PPP2R5E: variants seen among roughly 807,000 people sequenced by gnomAD.
The protein encoded by PPP2R5E is serine/threonine-protein phosphatase 2A 56 kDa regulatory subunit epsilon isoform.
A neutral mutation model predicts 65.3 loss-of-function variants in PPP2R5E; 4 were observed. The ratio of observed to expected loss-of-function variants is 0.06; its 90% confidence interval spans 0.03 to 0.14. PPP2R5E has a LOEUF of 0.14. Among genes scored for constraint, PPP2R5E ranks in the 10% least tolerant of loss-of-function variants. The pLI is 1.00. For missense variants in PPP2R5E, 274 were observed against 556.1 expected, an observed-to-expected ratio of 0.49 and a Z score of 5.10; for synonymous variants, 183 against 187.4, an observed-to-expected ratio of 0.98 and a Z score of 0.19.
intron 5 of PPP2R5E, among the ~76,000 whole-genome samples, chr14:63,399,375 T>C (rs1254743318): frequency 1.8e-5 from 2 of 113,278 alleles, no homozygotes; most frequent in Non-Finnish European, 3.6e-5. Flanking sequence ...TCTTTTTTTT[T>C]TTTTTTTTTT....
In PPP2R5E at chr14:63,374,710, TAAAC is replaced by T. The variant is rs1380534861; in HGVS notation, c.*1295_*1298del. 6.7e-6 allele frequency: 1 copy of T among 148,308 alleles called. No homozygotes were observed. 9.2% of individuals were successfully genotyped at this position (148,308 alleles called of 1,614,324 possible). ...TTTTGTTTTTTTTGTTTTTTTTTCT[TAAAC>T]AATTTGGTCACGATGCACCTTTGAT... On this transcript the variant is annotated 3_prime_UTR_variant, in exon 14 of 14. Transcript: ENST00000337537.
intron 2 of PPP2R5E, among the ~76,000 whole-genome samples, chr14:63,535,361 C>A (rs1180974114): frequency 2.0e-5 from 3 of 151,918 alleles, no homozygotes; most frequent in South Asian, 4.1e-4. Context: ...GCAGAGGTTG[C>A]AGTGAGCTGA....
chr14:63,381,530 A>C (rs188973725), intron 13 of PPP2R5E, among the ~76,000 whole-genome samples: 2 of 57,474 alleles, frequency 3.5e-5, no homozygotes, highest in East Asian at 9.3e-4. Context: ...AAAGGAAAGA[A>C]AGCGGGCTTT....
At chr14:63,409,303 T>A (rs967086828) in intron 5 of PPP2R5E, among the ~76,000 whole-genome samples, 13 of 150,418 alleles carry the variant, frequency 8.6e-5, no homozygotes, top group African/African-American at 3.2e-4. Flanking sequence ...GCTACTCAGG[T>A]GGCTGAGGCA....
At chr14:63,540,643 A>G (rs1893860847) in intron 1 of PPP2R5E, among the ~76,000 whole-genome samples, 1 of 151,530 alleles carries the variant, frequency 6.6e-6, no homozygotes, top group South Asian at 2.1e-4. Context: ...GAATCACTTG[A>G]ACCCGGGAGG....
chr14:63,512,500 T>A (rs570593247), intron 2 of PPP2R5E, among the ~76,000 whole-genome samples: 24 of 152,338 alleles, frequency 1.6e-4, no homozygotes, highest in African/African-American at 5.8e-4. Flanking sequence ...TCATTTTTCT[T>A]CTCAGTAGTT....
At chr14:63,417,942 C>T (rs1234926131) in intron 4 of PPP2R5E, among the ~76,000 whole-genome samples, 1 of 152,134 alleles carries the variant, frequency 6.6e-6, no homozygotes, top group Non-Finnish European at 1.5e-5. Flanking sequence ...CTCTAAGGGT[C>T]CACAGATACC....
chr14:63,393,053 C>T (rs919385823), intron 8 of PPP2R5E, among the ~76,000 whole-genome samples: 7 of 152,038 alleles, frequency 4.6e-5, no homozygotes, highest in African/African-American at 1.4e-4. Flanking sequence ...TGTGAGAGTG[C>T]TTGTGTGTAG....
intron 4 of PPP2R5E, among the ~76,000 whole-genome samples, chr14:63,416,693 C>T (rs962270808): frequency 1.3e-5 from 2 of 148,312 alleles, no homozygotes; most frequent in African/African-American, 5.0e-5. Flanking sequence ...TATATGTTAA[C>T]ATAATTATGT....
rs1446866059 is a variant in PPP2R5E at position 63,374,668 on chromosome 14, T to TATATATATATATATAA, written c.*1340_*1341insTTATATATATATATAT. The TATATATATATATATAA allele has an allele frequency of 5.0e-5, 6 of 119,272 alleles. No individual in the cohort carries two copies. Among genetic ancestry groups the TATATATATATATATAA allele is most frequent in the African/African-American group, 1.9e-4 (6 of 31,408 alleles). The allele number at this position is 119,272 out of a possible 1,614,324, so 7.4% of individuals were successfully genotyped here. Reference sequence around the variant, plus strand: ...ATATATATATATATATATATATATATAAAATACAGCCCTAGATTTTGTTTT... The same window carrying TATATATATATATATAA: ...ATATATATATATATATATATATATATATATATATATATATAAAAAATACAGCCCTAGATTTTGTTTT... On this transcript the variant is annotated 3_prime_UTR_variant, in exon 14 of 14. Transcript: ENST00000337537.
chr14:63,515,829 A>G (rs1387641103), intron 2 of PPP2R5E, among the ~76,000 whole-genome samples: 2 of 130,050 alleles, frequency 1.5e-5, no homozygotes, highest in Non-Finnish European at 3.3e-5. Flanking sequence ...ATAGTCACTT[A>G]TTTTCTTTTA....
At chr14:63,455,831 C>T (rs1039321884) in intron 2 of PPP2R5E, among the ~76,000 whole-genome samples, 2 of 144,266 alleles carry the variant, frequency 1.4e-5, no homozygotes, top group African/African-American at 5.1e-5. Context: ...CAAGAAAAAG[C>T]TTTTTTTTTT....
chr14:63,468,910 T>C (rs1889972781), intron 2 of PPP2R5E, among the ~76,000 whole-genome samples: 1 of 152,152 alleles, frequency 6.6e-6, no homozygotes, highest in Admixed American at 6.5e-5. Flanking sequence ...AACCTTTCTT[T>C]TCCCCACACA....
intron 2 of PPP2R5E, among the ~76,000 whole-genome samples, chr14:63,485,196 TAAAAAAA>T (rs200719135): frequency 7.9e-6 from 1 of 126,372 alleles, no homozygotes; most frequent in African/African-American, 3.0e-5. Flanking sequence ...TATACTCATT[TAAAAAAA>T]AAAAAAAAAA....
At chr14:63,481,357 G>A (rs972178536) in intron 2 of PPP2R5E, among the ~76,000 whole-genome samples, 6 of 151,922 alleles carry the variant, frequency 3.9e-5, no homozygotes, top group African/African-American at 7.3e-5. Flanking sequence ...TTAGCTGGGC[G>A]TGGTAGCGTG....
At chr14:63,431,413 T>C (rs539062583) in intron 3 of PPP2R5E, among the ~76,000 whole-genome samples, 4 of 152,240 alleles carry the variant, frequency 2.6e-5, no homozygotes, top group Admixed American at 2.0e-4. Context: ...GTATTTGCTA[T>C]GTAATGTCAT....
chr14:63,440,939 A>G lies in PPP2R5E; in HGVS notation c.354+12750T>C, dbSNP rs544129199. Among the ~76,000 whole-genome samples, 10 of 115,940 alleles carry G rather than the reference A, an allele frequency of 8.6e-5. No homozygotes were observed. The South Asian group carries it at 2.7e-3, about 32-fold the overall frequency. The allele number at this position is 115,940 out of a possible 152,430, so 76.1% of individuals were successfully genotyped here. On this transcript the variant is annotated intron_variant, in intron 3 of 13. Coordinates refer to ENST00000337537, the MANE Select transcript of PPP2R5E (RefSeq NM_006246.5). ...ACTCCAGCCTGGGCAACAGAGCGAG[A>G]CTCCATCTCAAAAAAAAAAAAAAAA...
intron 2 of PPP2R5E, among the ~76,000 whole-genome samples, chr14:63,506,611 A>G (rs1420561717): frequency 6.6e-6 from 1 of 152,218 alleles, no homozygotes; most frequent in Non-Finnish European, 1.5e-5. Context: ...ATCACACCCA[A>G]TAAGATGACT....
At chr14:63,507,800 C>T (rs1427605966) in intron 2 of PPP2R5E, among the ~76,000 whole-genome samples, 1 of 151,950 alleles carries the variant, frequency 6.6e-6, no homozygotes, top group South Asian at 2.1e-4. Context: ...GGATGGTCTC[C>T]ATCTCCTGAC....
Sources: gnomAD v4.1 joint callset for allele counts (sites outside exome capture counted in the v4.1 genomes callset) on GRCh38, gnomAD v4.1.1 for gene constraint, MANE v1.5 for transcripts, NCBI Gene and HGNC (gene_info 2026-07-23, HGNC 2026-07-21) for gene names.